TANC1: variants seen among roughly 807,000 people sequenced by gnomAD.
TANC1 encodes tetratricopeptide repeat, ankyrin repeat and coiled-coil containing 1, also known as protein TANC1.
In TANC1, 77 loss-of-function variants were observed where a neutral mutation model predicts 149.7. That is an observed-to-expected ratio of 0.51 (90% CI 0.43 to 0.62). The LOEUF (loss-of-function observed/expected upper bound fraction) is 0.62. Among genes scored for constraint, TANC1 ranks in the 20% least tolerant of loss-of-function variants. The probability of loss-of-function intolerance (pLI) is 0.00; values close to 1 mark genes in which losing one functional copy is unlikely to be tolerated. For synonymous variants in TANC1, 854 were observed against 925.0 expected (o/e 0.92, Z 1.39); for missense variants, 1,985 against 2,321.8 (o/e 0.85, Z 2.98).
At chr2:159,085,806 C>G (rs1429820906) in intron 3 of TANC1, among the ~76,000 whole-genome samples, 1 of 152,210 alleles carries the variant, frequency 6.6e-6, no homozygotes, top group Non-Finnish European at 1.5e-5. Flanking sequence ...ACACCTCTCA[C>G]TAGGCCCCAC....
intron 3 of TANC1, among the ~76,000 whole-genome samples, chr2:159,073,863 A>T (rs1041976664): frequency 3.3e-5 from 5 of 152,020 alleles, no homozygotes; most frequent in African/African-American, 1.2e-4. Flanking sequence ...GTAGTTCCTG[A>T]GTGGGGAGAC....
chr2:159,106,293 A>G (rs1489622442), intron 4 of TANC1, among the ~76,000 whole-genome samples: 1 of 152,124 alleles, frequency 6.6e-6, no homozygotes, highest in Non-Finnish European at 1.5e-5. Flanking sequence ...GTTACTAGTC[A>G]TTTCACATTC....
In TANC1 at chr2:159,013,690, C is replaced by T. The variant is rs569343971; in HGVS notation, c.-16+12501C>T. On this transcript the variant is annotated intron_variant, in intron 2 of 26. Transcript: ENST00000263635. Reference sequence around the variant, plus strand: ...TTTGCAGAATATTGTCTTGTGTCCTCCTGATAGGAGAGGCACCCGAGGACT... The same window carrying T: ...TTTGCAGAATATTGTCTTGTGTCCTTCTGATAGGAGAGGCACCCGAGGACT... Among the ~76,000 whole-genome samples the T allele has an allele frequency of 2.0e-5, 3 of 152,238 alleles. No individual in the cohort carries two copies. The East Asian group carries it at 5.8e-4, about 29-fold the overall frequency.
intron 3 of TANC1, among the ~76,000 whole-genome samples, chr2:159,078,278 C>T (rs1368698827): frequency 6.6e-6 from 1 of 152,178 alleles, no homozygotes; most frequent in Non-Finnish European, 1.5e-5. Flanking sequence ...CTTACTCTCT[C>T]CTACCTGTTT....
chr2:159,109,765 G>C (rs1013331352), intron 4 of TANC1, among the ~76,000 whole-genome samples: 2 of 152,136 alleles, frequency 1.3e-5, no homozygotes, highest in Non-Finnish European at 1.5e-5. Context: ...AGCCCTCTCA[G>C]TTGTCAGGCT....
chr2:159,201,276 G>A (rs764633765), intron 19 of TANC1, among the ~76,000 whole-genome samples: 12 of 152,180 alleles, frequency 7.9e-5, no homozygotes, highest in Non-Finnish European at 1.6e-4. Flanking sequence ...TGCAAATATA[G>A]GTCCTTACAC....
chr2:159,121,385 G>GTGC (rs2048833509), intron 4 of TANC1, among the ~76,000 whole-genome samples: 1 of 152,240 alleles, frequency 6.6e-6, no homozygotes, highest in African/African-American at 2.4e-5. Context: ...CCAGGCTGGA[G>GTGC]TGCAATGGTG....
At chr2:159,224,505 A>G (rs1480411156) in intron 23 of TANC1, 141 bp downstream of exon 23, 1 of 931,488 alleles carries the variant, frequency 1.1e-6, no homozygotes, top group East Asian at 2.6e-5. Context: ...AGTCTCACTT[A>G]ATCACCATTA....
intron 7 of TANC1, among the ~76,000 whole-genome samples, chr2:159,155,928 C>T (rs1271425536): frequency 1.3e-5 from 2 of 152,088 alleles, no homozygotes; most frequent in Non-Finnish European, 2.9e-5. Flanking sequence ...CTTTTATCTT[C>T]CTTTGACTCT....
At chr2:159,202,491 A>G (rs2058317636) in intron 19 of TANC1, among the ~76,000 whole-genome samples, 1 of 152,104 alleles carries the variant, frequency 6.6e-6, no homozygotes, top group Non-Finnish European at 1.5e-5. Context: ...ATCCAGGACC[A>G]TTTGGTTTTT....
In TANC1 at chr2:159,230,447, A is replaced by T; in HGVS notation, c.5021A>T (p.Lys1674Met). ...TCTGGTTCTCCATCCAGCAGCATAAAGATGTCAAGTTCAACCAGTAGTTTG... is the reference window on the plus strand; with the variant it reads ...TCTGGTTCTCCATCCAGCAGCATAATGATGTCAAGTTCAACCAGTAGTTTG... ...GSSGSPSSSI[K>M]MSSSTSSLTS... The change falls in exon 27 of 27, where the codon AAG becomes ATG. Residue 1674 changes from lysine (K) to methionine (M), a missense_variant. By Grantham distance (95) the Lys-to-Met change is moderately conservative. Transcript: ENST00000263635. This position sits in a 1 kb window ranked among gnomAD's most constrained non-coding sequence, Gnocchi z 4.4. The T allele has an allele frequency of 6.2e-7, 1 of 1,614,148 alleles. No homozygotes were observed. Among genetic ancestry groups the T allele is most frequent in the African/African-American group, 1.3e-5 (1 of 75,044 alleles).
chr2:159,219,628 C>T lies in TANC1; in HGVS notation c.3503-64C>T, dbSNP rs1314350499. The T allele has an allele frequency of 3.1e-6, 5 of 1,598,478 alleles. No homozygotes were observed. The South Asian group carries it at 4.4e-5, about 14-fold the overall frequency. On this transcript the variant is annotated intron_variant, in intron 21 of 26. Coordinates refer to ENST00000263635, the MANE Select transcript of TANC1 (RefSeq NM_033394.3). ...GGCCGGGTGTTCCGCAGGTGTGAAACAATTTGCTTTCTGGCTTTGTCATCT... is the reference window on the plus strand; with the variant it reads ...GGCCGGGTGTTCCGCAGGTGTGAAATAATTTGCTTTCTGGCTTTGTCATCT...
In TANC1 at chr2:159,194,268, C is replaced by T; in HGVS notation, c.2754C>T (p.Leu918=). The T allele has an allele frequency of 6.2e-7, 1 of 1,613,504 alleles. No homozygotes were observed. The highest frequency in any genetic ancestry group is 1.1e-5 in the South Asian group (1 of 91,076). The change falls in exon 17 of 27, where the codon CTC becomes CTT. Residue 918 remains leucine (L), a synonymous_variant. Coordinates refer to ENST00000263635, the MANE Select transcript of TANC1 (RefSeq NM_033394.3). ...LYTPNVKVSR[L]LILGGANVNY... ...GCCTTGTCCAACAGGTGAGCCGTCT[C>T]CTGATTTTGGGAGGGGCCAACGTGA...
chr2:159,136,047 T>TGCGTGC (rs1553568359), intron 4 of TANC1, 147 bp from the exon 5 acceptor site: 11 of 211,184 alleles, frequency 5.2e-5, no homozygotes, highest in African/African-American at 1.8e-4. Flanking sequence ...TGTGTGTGTG[T>TGCGTGC]GTGCGCGCGC....
At chr2:159,046,747 C>T (rs544421933) in intron 2 of TANC1, among the ~76,000 whole-genome samples, 21 of 151,052 alleles carry the variant, frequency 1.4e-4, no homozygotes, top group Non-Finnish European at 2.4e-4. Context: ...AGTACAGGCG[C>T]GAGGCACCAG....
intron 4 of TANC1, among the ~76,000 whole-genome samples, chr2:159,107,566 C>T (rs1381549745): frequency 6.6e-6 from 1 of 152,094 alleles, no homozygotes; most frequent in African/African-American, 2.4e-5. Context: ...ACGTGGATAC[C>T]AGTTGTCCTG....
intron 2 of TANC1, among the ~76,000 whole-genome samples, chr2:159,035,356 A>G (rs547445267): frequency 3.3e-5 from 5 of 152,196 alleles, no homozygotes; most frequent in Non-Finnish European, 7.3e-5. Context: ...CATCTTTTAC[A>G]TGAGAATATT....
At chr2:159,076,711 A>G (rs1193772568) in intron 3 of TANC1, among the ~76,000 whole-genome samples, 1 of 152,172 alleles carries the variant, frequency 6.6e-6, no homozygotes, top group East Asian at 1.9e-4. Context: ...GATCTTAGAA[A>G]TTGAGTTCAA....
At chr2:159,073,295 G>A (rs575167047) in intron 3 of TANC1, among the ~76,000 whole-genome samples, 9 of 152,258 alleles carry the variant, frequency 5.9e-5, no homozygotes, top group South Asian at 2.1e-4. Flanking sequence ...GATATCTACC[G>A]TTTATCATTA....
Sources: gnomAD v4.1 joint callset for allele counts (sites outside exome capture counted in the v4.1 genomes callset) on GRCh38, gnomAD v4.1.1 for gene constraint, Gnocchi (gnomAD v3.1) non-coding constraint, MANE v1.5 for transcripts, NCBI Gene and HGNC (gene_info 2026-07-23, HGNC 2026-07-21) for gene names.